The following COL17A1 variants were observed in gnomAD, a reference collection of about 807,000 sequenced individuals.
COL17A1 encodes collagen type XVII alpha 1 chain.
A neutral mutation model predicts 218.4 loss-of-function variants in COL17A1; 181 were observed. The observed-to-expected ratio is 0.83, with a 90% confidence interval of 0.73 to 0.94. The LOEUF (loss-of-function observed/expected upper bound fraction) is 0.94. COL17A1 is among the 40% of genes least tolerant of loss of function. COL17A1 has a pLI of 0.00. For missense variants in COL17A1, 1,924 were observed against 1,945.9 expected (o/e 0.99, Z 0.21); for synonymous variants, 721 against 731.0 (o/e 0.99, Z 0.22).
At chr10:104,070,717 A>G in intron 8 of COL17A1, 148 bp from the exon 9 acceptor site, 6 of 1,555,346 alleles carry the variant, frequency 3.9e-6, no homozygotes, top group Non-Finnish European at 5.2e-6. Flanking sequence ...GCTTTATAAT[A>G]TTCACATTTT....
At chr10:104,074,265 C>T (rs1317818476) in intron 5 of COL17A1, 34 bp from the exon 6 acceptor site, 21 of 1,613,948 alleles carry the variant, frequency 1.3e-5, no homozygotes, top group Non-Finnish European at 1.7e-5. Context: ...GAACAAATGG[C>T]CTCTTAGGCC....
rs1009103483 is a variant in COL17A1, at chr10:104,045,626, C to A, written c.2398+132G>T. 5 of 820,810 alleles carry A rather than the reference C, an allele frequency of 6.1e-6. No homozygotes were observed. In the East Asian group the frequency reaches 7.5e-5, roughly 12 times the overall value. 50.8% of individuals were successfully genotyped at this position (820,810 alleles called of 1,614,324 possible). A position where few individuals can be genotyped will look rare whatever the true frequency, so the allele number is the denominator to read the frequency against. On this transcript the variant is annotated intron_variant, in intron 33 of 55. Transcript: ENST00000648076. ...AATCCCTGGGCTCCCAGCCTCATAG[C>A]CCTCTGCTAGAACCACTAGATGCCA... is the stretch of plus-strand genomic sequence containing the variant.
At position 104,081,507 on chromosome 10, in the gene COL17A1, C is replaced by T. The variant is rs573336283; in HGVS notation, c.-11-823G>A. On this transcript the variant is annotated intron_variant, in intron 1 of 55. Transcript: ENST00000648076. The stretch of plus-strand genomic sequence containing the variant: ...GGGATGAAAGCTCAAGTCTTAAACA[C>T]ACAGGAATGCACAGCAAGGGTCCCG... 3.3e-5 allele frequency among the ~76,000 whole-genome samples: 5 copies of T among 152,312 alleles called. No individual in the cohort carries two copies. The South Asian group carries it at 8.3e-4, about 25-fold the overall frequency.
At chr10:104,051,838 G>C (rs2086472660) in intron 24 of COL17A1, among the ~76,000 whole-genome samples, 1 of 152,210 alleles carries the variant, frequency 6.6e-6, no homozygotes, top group South Asian at 2.1e-4. Flanking sequence ...CTGGGCCGCA[G>C]TCAGTCAAGG....
chr10:104,053,161 A>G, intron 22 of COL17A1, 26 bp from the exon 23 acceptor site: 1 of 1,609,608 alleles, frequency 6.2e-7, no homozygotes, highest in Non-Finnish European at 8.5e-7. Context: ...GCCAGCCTCC[A>G]AGTCAGGATC....
chr10:104,048,396 G>C (rs1023104913), intron 29 of COL17A1, among the ~76,000 whole-genome samples: 1 of 152,208 alleles, frequency 6.6e-6, no homozygotes, highest in Middle Eastern at 3.2e-3. Flanking sequence ...TAGAAGTCAA[G>C]GTCCTCCATG....
intron 15 of COL17A1, chr10:104,059,371 G>T: frequency 1.9e-6 from 1 of 519,436 alleles, no homozygotes; most frequent in Non-Finnish European, 3.5e-6. Flanking sequence ...AGTAAAATGA[G>T]AAAACAAATG....
Position 104,064,478 on chromosome 10 carries a change from G to T in COL17A1, c.726C>A (p.Ser242Arg). 6.2e-7 allele frequency: 1 copy of T among 1,614,206 alleles called. No individual in the cohort carries two copies. Among genetic ancestry groups the T allele is most frequent in the Non-Finnish European group, 8.5e-7 (1 of 1,180,036 alleles). The change falls in exon 10 of 56, where the codon AGC (serine) becomes AGA (arginine). Residue 242 changes from serine (S) to arginine (R), a missense_variant. Coordinates refer to ENST00000648076, the MANE Select transcript of COL17A1 (RefSeq NM_000494.4). ...AGGCATTGGTGTTGAGGAGGGATGA[G>T]CTCTGGGTTGTCATGTTGTTGTGAT... The part of the protein sequence containing the change: ...GTYHNNMTTQ[S>R]SSLLNTNAYS...
chr10:104,071,110 A>G (rs1589575704), intron 8 of COL17A1, among the ~76,000 whole-genome samples: 2 of 152,206 alleles, frequency 1.3e-5, no homozygotes, highest in South Asian at 4.1e-4. Context: ...AAGTGGAGCA[A>G]GCTCCCTGTG....
intron 25 of COL17A1, 27 bp from the exon 26 acceptor site, chr10:104,050,928 C>G (rs1301472898): frequency 1.2e-6 from 2 of 1,614,126 alleles, no homozygotes; most frequent in Admixed American, 3.3e-5. Context: ...ACCATGCACA[C>G]AGATGAGTAT....
intron 35 of COL17A1, among the ~76,000 whole-genome samples, chr10:104,042,811 T>A (rs2086373436): frequency 6.6e-6 from 1 of 152,232 alleles, no homozygotes; most frequent in South Asian, 2.1e-4. Flanking sequence ...CATAAAAATT[T>A]AAAATAATTA....
intron 32 of COL17A1, 45 bp from the exon 33 acceptor site, chr10:104,045,838 A>G (rs2086403822): frequency 1.3e-6 from 2 of 1,539,642 alleles, no homozygotes; most frequent in Non-Finnish European, 1.8e-6. Flanking sequence ...AGGCCCAGCA[A>G]TTCCAGATAC....
chr10:104,048,019 A>G, intron 30 of COL17A1, 50 bp downstream of exon 30: 1 of 1,610,796 alleles, frequency 6.2e-7, no homozygotes. Context: ...GCATGCTGGA[A>G]CAGGGGCTGT....
intron 39 of COL17A1, 116 bp downstream of exon 39, chr10:104,040,949 G>A (rs1201045477): frequency 8.0e-6 from 9 of 1,121,930 alleles, no homozygotes; most frequent in Non-Finnish European, 1.2e-5. Context: ...TATCCCCATG[G>A]AAGTCAGGAG....
intron 33 of COL17A1, 39 bp downstream of exon 33, chr10:104,045,719 C>G: frequency 6.4e-7 from 1 of 1,562,702 alleles, no homozygotes; most frequent in Non-Finnish European, 8.8e-7. Flanking sequence ...CAAAAATGGC[C>G]AGTGAAAAGA....
chr10:104,073,118 C>G (rs2086681885), intron 7 of COL17A1, 92 bp downstream of exon 7: 1 of 1,160,150 alleles, frequency 8.6e-7, no homozygotes, highest in East Asian at 2.3e-5. Flanking sequence ...CTTCTGTACT[C>G]CTTACACTCC....
chr10:104,063,797 ATGT>A lies in COL17A1; in HGVS notation c.785_787del (p.Asn262del). ...GTGCAAAGTGGGTGAGCAGGACGCC[ATGT>A]TGTTTGGAACTCCGAAGACTGCAGG... On this transcript the variant is annotated inframe_deletion, in exon 11 of 56. Transcript: ENST00000648076. 1 of 1,614,238 alleles carries A rather than the reference ATGT, an allele frequency of 6.2e-7. No individual in the cohort carries two copies. The highest frequency in any genetic ancestry group is 1.1e-5 in the South Asian group (1 of 91,086).
intron 9 of COL17A1, among the ~76,000 whole-genome samples, chr10:104,066,709 A>G (rs2086629195): frequency 6.6e-6 from 1 of 152,236 alleles, no homozygotes; most frequent in African/African-American, 2.4e-5. Context: ...CTGGAGGAAG[A>G]GGAATCTGGG....
chr10:104,035,616 G>A lies in COL17A1; in HGVS notation c.3419-53C>T. 3 of 1,408,376 alleles carry A rather than the reference G, an allele frequency of 2.1e-6. No homozygotes were observed. In the South Asian group the frequency reaches 3.6e-5, roughly 17 times the overall value. The allele number at this position is 1,408,376 out of a possible 1,614,324, so 87.2% of individuals were successfully genotyped here. ...CAGGGGGAGGCAGATGGAAACACCT[G>A]TCAGAGAGGAGGTCGGATACAGAAG... On this transcript the variant is annotated intron_variant, in intron 48 of 55. Transcript: ENST00000648076.
Sources: allele counts gnomAD v4.1 joint callset (sites outside exome capture counted in the v4.1 genomes callset), GRCh38; gene constraint gnomAD v4.1.1; transcripts MANE v1.5; gene names NCBI Gene and HGNC (gene_info 2026-07-23, HGNC 2026-07-21).